The following DDHD1 variants were observed in gnomAD, a reference collection of about 807,000 sequenced individuals.
DDHD1 encodes the protein phospholipase DDHD1.
Under a neutral mutation model 96.4 loss-of-function variants are expected in DDHD1, and 49 were observed. The ratio of observed to expected loss-of-function variants is 0.51; its 90% CI spans 0.40 to 0.64. DDHD1 has a LOEUF of 0.64. Ranked by LOEUF, DDHD1 falls within the 30% of genes least tolerant of loss-of-function variation. The probability of loss-of-function intolerance (pLI) is 0.00; values close to 1 mark genes in which losing one functional copy is unlikely to be tolerated. For synonymous variants in DDHD1, 442 were observed against 446.5 expected, an observed-to-expected ratio of 0.99 and a Z score of 0.13; for missense variants, 1,106 against 1,161.2, an observed-to-expected ratio of 0.95 and a Z score of 0.69.
intron 1 of DDHD1, among the ~76,000 whole-genome samples, chr14:53,108,584 TTTAAAA>T (rs1229604425): frequency 6.6e-6 from 1 of 152,176 alleles, no homozygotes; most frequent in East Asian, 1.9e-4. Flanking sequence ...ACAAAAACAA[TTTAAAA>T]TTGCTTATTT....
intron 1 of DDHD1, among the ~76,000 whole-genome samples, chr14:53,113,390 C>A (rs1446071024): frequency 1.2e-4 from 14 of 118,254 alleles, no homozygotes; most frequent in African/African-American, 3.5e-4. Context: ...CTGTACAAGC[C>A]AAAAAAAAAA....
chr14:53,108,748 C>A (rs1325990457), intron 1 of DDHD1, among the ~76,000 whole-genome samples: 1 of 152,180 alleles, frequency 6.6e-6, no homozygotes, highest in African/African-American at 2.4e-5. Flanking sequence ...TGTGTTCAAT[C>A]AAATTTTGTT....
chr14:53,060,255 A>G (rs991022462), intron 8 of DDHD1, among the ~76,000 whole-genome samples: 3 of 152,216 alleles, frequency 2.0e-5, no homozygotes, highest in African/African-American at 7.2e-5. Flanking sequence ...TTTGTTATTC[A>G]GCTATAGGGT....
chr14:53,047,139 T>A (rs1882083149), intron 12 of DDHD1, among the ~76,000 whole-genome samples, 190 bp from the exon 13 acceptor site: 1 of 152,174 alleles, frequency 6.6e-6, no homozygotes. Flanking sequence ...GGATTCTATT[T>A]GTAAAGTTCT....
rs1157327041 is a variant in DDHD1 at position 53,041,047 on chromosome 14, G to A, written c.*5721C>T. The A allele has an allele frequency of 2.0e-5, 3 of 151,990 alleles. No individual in the cohort carries two copies. The highest frequency in any genetic ancestry group is 6.6e-5 in the Admixed American group (1 of 15,228). 9.4% of individuals were successfully genotyped at this position (151,990 alleles called of 1,614,324 possible). ...CAAAAAGTTTGAGAGATCAAGCAGG[G>A]ACCGCAGTGGGTGTGGGTACAGTCA... On this transcript the variant is annotated 3_prime_UTR_variant, in exon 13 of 13. Coordinates refer to ENST00000673822, the MANE Select transcript of DDHD1 (RefSeq NM_001160148.2).
intron 1 of DDHD1, among the ~76,000 whole-genome samples, chr14:53,143,682 A>G (rs1187691246): frequency 1.3e-5 from 2 of 152,326 alleles, no homozygotes; most frequent in African/African-American, 2.4e-5. Context: ...AACACCTTCA[A>G]ATAAGGAAGA....
At chr14:53,145,622 C>T (rs1188516554) in intron 1 of DDHD1, among the ~76,000 whole-genome samples, 1 of 151,484 alleles carries the variant, frequency 6.6e-6, no homozygotes, top group South Asian at 2.1e-4. Flanking sequence ...TGAGAAGGAG[C>T]CAGAGACAAT....
At position 53,054,452 on chromosome 14, in the gene DDHD1, A is replaced by C. The variant is rs748831248; in HGVS notation, c.2423T>G (p.Phe808Cys). The change falls in exon 11 of 13, where the codon TTC (phenylalanine) becomes TGC (cysteine). Residue 808 changes from phenylalanine to cysteine, a missense_variant. Transcript: ENST00000673822. ...TATGAACTAACATGCAGAATCGAGG[A>C]AGCCAGAACTGCTATGTGGAAGGGT... Reference protein sequence around the residue: ...TQTLPHSSSGFLDSAYFRLQE... With the variant: ...TQTLPHSSSGCLDSAYFRLQE... 1 of 1,613,382 alleles carries C rather than the reference A, an allele frequency of 6.2e-7. No homozygotes were observed. The highest frequency in any genetic ancestry group is 8.5e-7 in the Non-Finnish European group (1 of 1,179,570).
intron 4 of DDHD1, among the ~76,000 whole-genome samples, chr14:53,088,904 T>C (rs545155806): frequency 3.3e-5 from 5 of 152,344 alleles, no homozygotes; most frequent in East Asian, 1.9e-4. Context: ...GATGACATGA[T>C]TGTATATTTA....
chr14:53,049,743 T>C (rs778012686), intron 12 of DDHD1, among the ~76,000 whole-genome samples: 2 of 149,374 alleles, frequency 1.3e-5, no homozygotes, highest in Non-Finnish European at 3.0e-5. Flanking sequence ...TCTCTATCCA[T>C]AAAAAAGAAG....
intron 2 of DDHD1, among the ~76,000 whole-genome samples, chr14:53,101,379 C>A (rs1337036285): frequency 6.6e-6 from 1 of 151,700 alleles, no homozygotes; most frequent in African/African-American, 2.4e-5. Context: ...ATAAAGTGAC[C>A]AAAAATTATG....
intron 1 of DDHD1, among the ~76,000 whole-genome samples, chr14:53,148,605 G>A (rs940250480): frequency 2.6e-5 from 4 of 152,172 alleles, no homozygotes; most frequent in Admixed American, 2.0e-4. Flanking sequence ...GAGCCACCAC[G>A]CCTGGCCTAG....
chr14:53,092,493 C>G (rs1431001822), intron 3 of DDHD1: 1 of 152,092 alleles, frequency 6.6e-6, no homozygotes, highest in Non-Finnish European at 1.5e-5. Flanking sequence ...TGATAATGCT[C>G]TCACATCTTT....
At chr14:53,107,967 A>T (rs1013053075) in intron 1 of DDHD1, among the ~76,000 whole-genome samples, 5 of 152,202 alleles carry the variant, frequency 3.3e-5, no homozygotes, top group Admixed American at 2.6e-4. Context: ...GGGAGGGACA[A>T]TGATCAGGAT....
chr14:53,116,574 C>G (rs1297315148), intron 1 of DDHD1, among the ~76,000 whole-genome samples: 1 of 152,202 alleles, frequency 6.6e-6, no homozygotes, highest in South Asian at 2.1e-4. Flanking sequence ...GAATCTCACT[C>G]AAAACCACAC....
At chr14:53,140,217 A>G (rs1333451519) in intron 1 of DDHD1, among the ~76,000 whole-genome samples, 1 of 152,196 alleles carries the variant, frequency 6.6e-6, no homozygotes, top group Admixed American at 6.5e-5. Context: ...ATGATCTAAC[A>G]TACATACGTA....
rs758999007 is a variant in DDHD1 at position 53,152,262 on chromosome 14, G to A, written c.837C>T (p.Asn279=). 165 of 1,601,682 alleles carry A rather than the reference G, an allele frequency of 1.0e-4. No homozygotes were observed. Among genetic ancestry groups the A allele is most frequent in the Non-Finnish European group, 1.4e-4 (160 of 1,173,056 alleles). ...CCCTAACCCCGGCCCGCTACTCACG[G>A]TTCCAGTACACCGGGTAGCACTCTC... ...TQGECYPVYW[N]QADKIPVMRG... Residue 279 remains asparagine, a splice_region_variant and synonymous_variant, in exon 1 of 13, where the codon AAC becomes AAT. Coordinates refer to ENST00000673822, the MANE Select transcript of DDHD1 (RefSeq NM_001160148.2).
At chr14:53,101,399 T>C (rs1455479194) in intron 2 of DDHD1, among the ~76,000 whole-genome samples, 1 of 152,080 alleles carries the variant, frequency 6.6e-6, no homozygotes, top group Non-Finnish European at 1.5e-5. Context: ...GACAAAGATA[T>C]GTTCAGTTGA....
At chr14:53,146,495 C>CAAAAAAAA (rs11399058) in intron 1 of DDHD1, among the ~76,000 whole-genome samples, 1 of 137,640 alleles carries the variant, frequency 7.3e-6, no homozygotes, top group Non-Finnish European at 1.6e-5. Flanking sequence ...CAGAGCATCT[C>CAAAAAAAA]AAAAAAAAAA....
Sources: allele counts gnomAD v4.1 joint callset (sites outside exome capture counted in the v4.1 genomes callset), GRCh38; gene constraint gnomAD v4.1.1; transcripts MANE v1.5; gene names NCBI Gene and HGNC (gene_info 2026-07-23, HGNC 2026-07-21).